CIDEA: variants seen among roughly 807,000 people sequenced by gnomAD.
CIDEA encodes the protein lipid transferase CIDEA.
In CIDEA, 10 loss-of-function variants were observed where a neutral mutation model predicts 18.2. The observed-to-expected ratio is 0.55, with a 90% CI of 0.34 to 0.93. The LOEUF (loss-of-function observed/expected upper bound fraction) is 0.93. Among genes scored for constraint, CIDEA ranks in the 40% least tolerant of loss-of-function variants. The pLI is 0.02. For missense variants in CIDEA, 309 were observed against 293.1 expected, an observed-to-expected ratio of 1.05 and a Z score of -0.40; for synonymous variants, 128 against 124.8, an observed-to-expected ratio of 1.03 and a Z score of -0.17.
rs138955580 is a variant in CIDEA, at chr18:12,274,253, C to A, written c.491C>A (p.Thr164Lys). Reference sequence around the variant, plus strand: ...TCCGTGTCCTACGACATCCGGTGCACGGGACTCAAGGGCCTGCTGAGGTAA... The same window carrying A: ...TCCGTGTCCTACGACATCCGGTGCAAGGGACTCAAGGGCCTGCTGAGGTAA... ...MYSVSYDIRC[T>K]GLKGLLRSLL... is the part of the protein sequence containing the mutation. Residue 164 changes from threonine to lysine, a missense_variant, in exon 4 of 5, where the codon ACG (threonine) becomes AAG (lysine). Thr to Lys is a moderately conservative substitution (Grantham distance 78). Coordinates refer to ENST00000320477, the MANE Select transcript of CIDEA (RefSeq NM_001279.4). 2.5e-6 allele frequency: 4 copies of A among 1,614,142 alleles called. No individual in the cohort carries two copies. The highest frequency in any genetic ancestry group is 3.4e-6 in the Non-Finnish European group (4 of 1,179,986).
At chr18:12,263,015 G>C in intron 2 of CIDEA, 46 bp downstream of exon 2, 1 of 1,598,874 alleles carries the variant, frequency 6.3e-7, no homozygotes. Context: ...GGGGTGCCCT[G>C]CACTCACACA....
At chr18:12,260,126 G>A (rs1165994894) in intron 1 of CIDEA, among the ~76,000 whole-genome samples, 2 of 152,134 alleles carry the variant, frequency 1.3e-5, no homozygotes, top group East Asian at 1.9e-4. Flanking sequence ...TCAACAAGGC[G>A]ATTTTTGAGA....
At chr18:12,264,514 G>A (rs1912289449) in intron 3 of CIDEA, 61 bp downstream of exon 3, 8 of 1,343,418 alleles carry the variant, frequency 6.0e-6, no homozygotes, top group African/African-American at 4.5e-5. Context: ...ACAAATTTGT[G>A]TGCCCTACTT....
At chr18:12,267,629 G>T (rs1912388441) in intron 3 of CIDEA, among the ~76,000 whole-genome samples, 1 of 152,200 alleles carries the variant, frequency 6.6e-6, no homozygotes, top group African/African-American at 2.4e-5. Context: ...AAGTAGCTGG[G>T]ATCACAGGCA....
At chr18:12,269,348 A>AT (rs1912448047) in intron 3 of CIDEA, among the ~76,000 whole-genome samples, 1 of 152,258 alleles carries the variant, frequency 6.6e-6, no homozygotes, top group Non-Finnish European at 1.5e-5. Flanking sequence ...GAGGATTTTA[A>AT]TAGCCTATTC....
intron 2 of CIDEA, 35 bp from the exon 3 acceptor site, chr18:12,264,272 C>G: frequency 2.0e-6 from 3 of 1,525,460 alleles, no homozygotes; most frequent in Non-Finnish European, 2.6e-6. Context: ...AAATACCTGG[C>G]TTCACTCCAT....
At chr18:12,257,154 T>C (rs1372862602) in intron 1 of CIDEA, among the ~76,000 whole-genome samples, 4 of 152,168 alleles carry the variant, frequency 2.6e-5, no homozygotes, top group Admixed American at 6.5e-5. Flanking sequence ...GTGGCTGTGC[T>C]TGACCTCACA....
At chr18:12,276,364 T>C (rs1198076749) in intron 4 of CIDEA, among the ~76,000 whole-genome samples, 1 of 151,954 alleles carries the variant, frequency 6.6e-6, no homozygotes, top group Non-Finnish European at 1.5e-5. Flanking sequence ...ACAATCATAG[T>C]TCACTGCAGC....
chr18:12,264,666 G>C (rs1049111157), intron 3 of CIDEA, among the ~76,000 whole-genome samples: 1 of 151,886 alleles, frequency 6.6e-6, no homozygotes. Context: ...CCATTCTCCT[G>C]CCTCAGCCTC....
At chr18:12,262,802 T>G in intron 1 of CIDEA, 23 bp from the exon 2 acceptor site, 1 of 1,602,374 alleles carries the variant, frequency 6.2e-7, no homozygotes, top group Non-Finnish European at 8.5e-7. Context: ...TTAAAAAGTT[T>G]TACTTTTCAC....
Position 12,263,604 on chromosome 18 carries a change from G to A in CIDEA, c.183+635G>A, listed in dbSNP as rs529358256. Reference sequence around the variant, plus strand: ...TTGCTTTGTTTCTTTGACAAGGGAGGATGCAGGGATGGAGCCGACTTTGGA... The same window carrying A: ...TTGCTTTGTTTCTTTGACAAGGGAGAATGCAGGGATGGAGCCGACTTTGGA... On this transcript the variant is annotated intron_variant, in intron 2 of 4. Transcript: ENST00000320477. 4 of 152,328 alleles carry A rather than the reference G, an allele frequency of 2.6e-5. No homozygotes were observed. The East Asian group carries it at 7.7e-4, about 29-fold the overall frequency. The allele number at this position is 152,328 out of a possible 1,614,324, so 9.4% of individuals were successfully genotyped here. A position where few individuals can be genotyped will look rare whatever the true frequency, so the allele number is the denominator to read the frequency against.
chr18:12,265,396 C>T (rs906094972), intron 3 of CIDEA, among the ~76,000 whole-genome samples: 9 of 152,222 alleles, frequency 5.9e-5, no homozygotes, highest in African/African-American at 1.9e-4. Flanking sequence ...TCTGGGGTTC[C>T]CCCACCTGTG....
intron 1 of CIDEA, among the ~76,000 whole-genome samples, chr18:12,261,836 C>T (rs895511323): frequency 2.0e-5 from 3 of 151,938 alleles, no homozygotes; most frequent in Non-Finnish European, 2.9e-5. Context: ...TTGCCTCAGC[C>T]TCCCAAAGCA....
chr18:12,255,927 G>A (rs1355013555), intron 1 of CIDEA, among the ~76,000 whole-genome samples: 1 of 152,202 alleles, frequency 6.6e-6, no homozygotes, highest in Non-Finnish European at 1.5e-5. Flanking sequence ...CTTCCAGCTT[G>A]GCTCATCCCA....
intron 1 of CIDEA, chr18:12,254,780 G>A (rs1299209753): frequency 1.5e-6 from 2 of 1,372,906 alleles, no homozygotes; most frequent in Middle Eastern, 2.0e-4. Flanking sequence ...GCGCAGAAGA[G>A]GGTCCGGTCC....
chr18:12,275,904 G>C (rs1026896878), intron 4 of CIDEA, among the ~76,000 whole-genome samples: 4 of 152,008 alleles, frequency 2.6e-5, no homozygotes. Context: ...AGTTAGGCAA[G>C]AGAGTTACAA....
intron 2 of CIDEA, among the ~76,000 whole-genome samples, chr18:12,263,407 G>A (rs1670415004): frequency 6.6e-6 from 1 of 152,110 alleles, no homozygotes; most frequent in South Asian, 2.1e-4. Context: ...TAAAAGAGGA[G>A]GAAAAGAAAG....
Position 12,264,405 on chromosome 18 carries a change from A to C in CIDEA, c.282A>C (p.Gly94=). ...CAGAAGAGTTCTTTCAGACCTTGGGAGACAACACGCATTTCATGATCTTGG... is the reference window on the plus strand; with the variant it reads ...CAGAAGAGTTCTTTCAGACCTTGGGCGACAACACGCATTTCATGATCTTGG... ...VDTEEFFQTL[G]DNTHFMILEK... The change falls in exon 3 of 5, where the codon GGA becomes GGC. Residue 94 remains glycine (G), a synonymous_variant. Coordinates refer to ENST00000320477, the MANE Select transcript of CIDEA (RefSeq NM_001279.4). The C allele has an allele frequency of 1.2e-6, 2 of 1,614,038 alleles. No individual in the cohort carries two copies. Among genetic ancestry groups the C allele is most frequent in the Non-Finnish European group, 8.5e-7 (1 of 1,179,932 alleles).
chr18:12,254,380 C>A lies in CIDEA; in HGVS notation c.-4C>A. 1 of 1,537,352 alleles carries A rather than the reference C, an allele frequency of 6.5e-7. No individual in the cohort carries two copies. On this transcript the variant is annotated 5_prime_UTR_variant, in exon 1 of 5. Transcript: ENST00000320477. ...ACCTCCAGGCCCGCTAGGGGATCCG[C>A]GCCATGGAGGCCGCCCGGGACTATG...
Sources: allele counts gnomAD v4.1 joint callset (sites outside exome capture counted in the v4.1 genomes callset), GRCh38; gene constraint gnomAD v4.1.1; transcripts MANE v1.5; gene names NCBI Gene and HGNC (gene_info 2026-07-23, HGNC 2026-07-21).